The following PTBP3 variants were observed in gnomAD, a reference collection of about 807,000 sequenced individuals.
The protein encoded by PTBP3 is polypyrimidine tract binding protein 3, also known as polypyrimidine tract-binding protein 3.
PTBP3 carries 20 observed loss-of-function variants against 58.7 expected under a neutral mutation model. The observed-to-expected ratio is 0.34, with a 90% CI of 0.24 to 0.50. The LOEUF is 0.50. Among genes scored for constraint, PTBP3 ranks in the 20% least tolerant of loss-of-function variants. The probability of loss-of-function intolerance (pLI) is 0.98; values close to 1 mark genes in which losing one functional copy is unlikely to be tolerated. For missense variants in PTBP3, 509 were observed against 637.2 expected (o/e 0.80, Z 2.17); for synonymous variants, 185 against 219.8 (o/e 0.84, Z 1.40).
rs1554805700 is a variant in PTBP3, at chr9:112,320,289, A to ATAT, written c.-52+13180_-52+13181insATA. 1.3e-3 allele frequency among the ~76,000 whole-genome samples: 50 copies of ATAT among 39,086 alleles called. No individual in the cohort carries two copies. In the African/African-American group the frequency reaches 0.013, roughly 10 times the overall value. 25.6% of individuals were successfully genotyped at this position (39,086 alleles called of 152,430 possible). On this transcript the variant is annotated intron_variant, in intron 1 of 13. Transcript: ENST00000374257. ...CGAGACCCTTTCTCTTAAAAAAAAAAAAATATATATATATATATATATATA... is the reference window on the plus strand; with the variant it reads ...CGAGACCCTTTCTCTTAAAAAAAAAATATAAATATATATATATATATATATATA...
chr9:112,262,713 A>G (rs1836650376), intron 4 of PTBP3, 114 bp from the exon 5 acceptor site: 1 of 936,606 alleles, frequency 1.1e-6, no homozygotes, highest in Non-Finnish European at 1.4e-6. Flanking sequence ...AACAAGATTT[A>G]TCTACTCCGT....
chr9:112,225,491 C>T (rs970228459), intron 12 of PTBP3, among the ~76,000 whole-genome samples: 7 of 152,030 alleles, frequency 4.6e-5, no homozygotes, highest in Admixed American at 1.3e-4. Context: ...ACAGAGGTGA[C>T]GGTCGCACAA....
intron 5 of PTBP3, among the ~76,000 whole-genome samples, chr9:112,261,357 G>A (rs776117860): frequency 2.0e-5 from 3 of 152,232 alleles, no homozygotes; most frequent in Non-Finnish European, 2.9e-5. Flanking sequence ...GCACTTTACT[G>A]AGAAATGTGT....
At chr9:112,229,581 AT>A (rs1234162331) in intron 10 of PTBP3, among the ~76,000 whole-genome samples, 3 of 148,042 alleles carry the variant, frequency 2.0e-5, no homozygotes, top group Admixed American at 2.0e-4. Context: ...AAAAAAAAAA[AT>A]CTTTCAATAG....
intron 5 of PTBP3, among the ~76,000 whole-genome samples, chr9:112,254,268 G>A (rs1320697440): frequency 6.6e-6 from 1 of 152,124 alleles, no homozygotes; most frequent in East Asian, 1.9e-4. Flanking sequence ...TTACAGGTGT[G>A]AGCCACCATA....
At chr9:112,354,287 G>A in the PTBP3 span, among the ~76,000 whole-genome samples, 23 of 152,278 alleles carry the variant, frequency 1.5e-4, no homozygotes, top group Admixed American at 1.0e-3. Context: ...CCAAACAACT[G>A]GGTGAAGCTG....
chr9:112,344,468 C>T, the PTBP3 span, among the ~76,000 whole-genome samples: 1 of 152,150 alleles, frequency 6.6e-6, no homozygotes, highest in Admixed American at 6.6e-5. Context: ...AATTCCTTCC[C>T]TTTTCTGCCA....
Position 112,221,441 on chromosome 9 carries a change from T to G in PTBP3, c.*2410A>C, listed in dbSNP as rs756371520. The G allele has an allele frequency of 1.1e-3, 1,054 of 985,616 alleles. 2 individuals are homozygous for G. Among genetic ancestry groups the G allele is most frequent in the Non-Finnish European group, 1.2e-3 (1,016 of 829,748 alleles). The allele number at this position is 985,616 out of a possible 1,614,324, so 61.1% of individuals were successfully genotyped here. On this transcript the variant is annotated 3_prime_UTR_variant, in exon 14 of 14. Coordinates refer to ENST00000374257, the MANE Select transcript of PTBP3 (RefSeq NM_001163788.4). Reference sequence around the variant, plus strand: ...TTTGCTACACTTATGCTGAATGTTATGAGAATCATGAATTAATAAATTACA... The same window carrying G: ...TTTGCTACACTTATGCTGAATGTTAGGAGAATCATGAATTAATAAATTACA...
chr9:112,228,421 TTTTC>T lies in PTBP3; in HGVS notation c.1102_1105del (p.Glu368MetfsTer14). Reference sequence around the variant, plus strand: ...TGCATCCGCCATCTGAACCAAGGCATTTTCTTTCTTATTAAACATAATCTTCACT... The same window carrying T: ...TGCATCCGCCATCTGAACCAAGGCATTTTCTTATTAAACATAATCTTCACT... On this transcript the variant is annotated frameshift_variant, in exon 11 of 14. Coordinates refer to ENST00000374257, the MANE Select transcript of PTBP3 (RefSeq NM_001163788.4). LOFTEE classifies it high-confidence loss of function. The T allele has an allele frequency of 6.2e-7, 1 of 1,608,290 alleles. No homozygotes were observed. Among genetic ancestry groups the T allele is most frequent in the Non-Finnish European group, 8.5e-7 (1 of 1,178,360 alleles).
chr9:112,304,039 T>C (rs1295784370), intron 1 of PTBP3, among the ~76,000 whole-genome samples: 1 of 150,428 alleles, frequency 6.6e-6, no homozygotes, highest in Non-Finnish European at 1.5e-5. Flanking sequence ...TGGTGGTGCA[T>C]GCCTGTAATC....
In PTBP3 at chr9:112,222,784, A is replaced by G; in HGVS notation, c.*1067T>C. ...TTAAACTCTAACCTATTGTATCTTA[A>G]GCACATAATAAGGCACATAATAAGA... On this transcript the variant is annotated 3_prime_UTR_variant, in exon 14 of 14. Transcript: ENST00000374257. 1 of 934,074 alleles carries G rather than the reference A, an allele frequency of 1.1e-6. No individual in the cohort carries two copies. The highest frequency in any genetic ancestry group is 1.3e-6 in the Non-Finnish European group (1 of 782,924). 57.9% of individuals were successfully genotyped at this position (934,074 alleles called of 1,614,324 possible). A position where few individuals can be genotyped will look rare whatever the true frequency, so the allele number is the denominator to read the frequency against.
intron 1 of PTBP3, among the ~76,000 whole-genome samples, chr9:112,329,938 C>T (rs1465678571): frequency 1.3e-5 from 2 of 151,392 alleles, no homozygotes; most frequent in African/African-American, 4.9e-5. Flanking sequence ...CTTGACTTCC[C>T]GGGCTCAGGT....
intron 2 of PTBP3, among the ~76,000 whole-genome samples, chr9:112,291,425 AG>A (rs1260341212): frequency 6.6e-6 from 1 of 152,200 alleles, no homozygotes. Flanking sequence ...AGCAATCTTG[AG>A]AAAAACAAAG....
At chr9:112,352,007 T>C in the PTBP3 span, among the ~76,000 whole-genome samples, 6 of 151,684 alleles carry the variant, frequency 4.0e-5, no homozygotes, top group Non-Finnish European at 8.8e-5. Flanking sequence ...AGCCTCAACC[T>C]CCAAGGCTCA....
At chr9:112,232,029 G>T (rs1835261416) in intron 9 of PTBP3, 70 bp downstream of exon 9, 1 of 1,186,066 alleles carries the variant, frequency 8.4e-7, no homozygotes, top group Non-Finnish European at 1.1e-6. Context: ...GAAAAGAAAA[G>T]AAAGAAAGAA....
At chr9:112,308,642 A>C (rs1440789934) in intron 1 of PTBP3, among the ~76,000 whole-genome samples, 1 of 152,150 alleles carries the variant, frequency 6.6e-6, no homozygotes, top group Admixed American at 6.6e-5. Flanking sequence ...CAGACGACCA[A>C]AAGAATAAAA....
intron 1 of PTBP3, chr9:112,298,481 A>G: frequency 2.1e-6 from 1 of 474,128 alleles, no homozygotes; most frequent in Non-Finnish European, 4.1e-6. Context: ...CCAAATCTGA[A>G]CTGGCAACAC....
At chr9:112,265,452 A>G (rs1206658956) in intron 4 of PTBP3, among the ~76,000 whole-genome samples, 1 of 140,456 alleles carries the variant, frequency 7.1e-6, no homozygotes, top group East Asian at 2.5e-4. Context: ...GGGGGATGGG[A>G]GCAGAGGTTG....
the PTBP3 span, among the ~76,000 whole-genome samples, chr9:112,348,097 GA>G: frequency 6.6e-6 from 1 of 152,128 alleles, no homozygotes; most frequent in Admixed American, 6.6e-5. Context: ...TGAATTATTG[GA>G]TGTTTAGTAG....
Sources: gnomAD v4.1 joint callset for allele counts (sites outside exome capture counted in the v4.1 genomes callset) on GRCh38, gnomAD v4.1.1 for gene constraint, MANE v1.5 for transcripts, NCBI Gene and HGNC (gene_info 2026-07-23, HGNC 2026-07-21) for gene names.